Variants in KSR2 observed in about 807,000 individuals in gnomAD.
KSR2 encodes the protein kinase suppressor of ras 2.
Under a neutral mutation model 107.8 loss-of-function variants are expected in KSR2, and 25 were observed. The observed-to-expected ratio is 0.23, with a 90% CI of 0.17 to 0.32. The LOEUF (loss-of-function observed/expected upper bound fraction) is 0.32, where lower values mean the gene tolerates loss of function less well. Ranked by LOEUF, KSR2 falls within the 10% of genes least tolerant of loss-of-function variation. KSR2 has a pLI of 1.00. For missense variants in KSR2, 887 were observed against 1,268.9 expected, an observed-to-expected ratio of 0.70 and a Z score of 4.57; for synonymous variants, 480 against 507.0, an observed-to-expected ratio of 0.95 and a Z score of 0.71.
chr12:117,622,569 C>T (rs916680816), intron 5 of KSR2, among the ~76,000 whole-genome samples: 1 of 152,020 alleles, frequency 6.6e-6, no homozygotes, highest in Non-Finnish European at 1.5e-5. Flanking sequence ...TAACACCTTC[C>T]ACTGACTTAA....
At chr12:117,642,880 T>G (rs56352843) in intron 5 of KSR2, among the ~76,000 whole-genome samples, 6,117 of 151,992 alleles carry the variant, frequency 0.04, 278 homozygotes, top group East Asian at 0.24. Flanking sequence ...TGTTAGGGAA[T>G]GGAAGGAAGG....
chr12:117,855,055 T>C (rs1366491555), intron 3 of KSR2, among the ~76,000 whole-genome samples: 1 of 121,812 alleles, frequency 8.2e-6, no homozygotes, highest in African/African-American at 2.7e-5. Flanking sequence ...AAATTACTTC[T>C]GTTAAAAAAA....
chr12:117,840,621 C>T (rs1367151050), intron 3 of KSR2, among the ~76,000 whole-genome samples: 2 of 150,776 alleles, frequency 1.3e-5, no homozygotes, highest in African/African-American at 4.9e-5. Context: ...GACTCAAAAT[C>T]CTGACCTCCA....
chr12:117,745,232 C>T (rs1720502117), intron 4 of KSR2, among the ~76,000 whole-genome samples: 2 of 152,160 alleles, frequency 1.3e-5, no homozygotes, highest in Admixed American at 6.5e-5. Flanking sequence ...ACAAGGTATA[C>T]TCTCTTACAG....
chr12:117,504,895 T>C (rs908956573), intron 14 of KSR2, among the ~76,000 whole-genome samples: 2 of 152,184 alleles, frequency 1.3e-5, no homozygotes, highest in African/African-American at 2.4e-5. Flanking sequence ...TAGTTTTTAA[T>C]CCCACACTCC....
At chr12:117,641,927 C>T (rs1883380357) in intron 5 of KSR2, among the ~76,000 whole-genome samples, 1 of 152,212 alleles carries the variant, frequency 6.6e-6, no homozygotes, top group Admixed American at 6.5e-5. Flanking sequence ...TCTCTCTCCC[C>T]TGCTTCATCC....
intron 14 of KSR2, among the ~76,000 whole-genome samples, chr12:117,487,282 G>A (rs138110773): frequency 1.6e-3 from 242 of 152,248 alleles, no homozygotes; most frequent in African/African-American, 5.5e-3. Context: ...CCACCCATCC[G>A]TATACTAATC....
At chr12:117,671,804 C>T (rs1019632628) in intron 4 of KSR2, among the ~76,000 whole-genome samples, 1 of 152,154 alleles carries the variant, frequency 6.6e-6, no homozygotes, top group African/African-American at 2.4e-5. Flanking sequence ...CCACCTCCCC[C>T]AAACTCCCAT....
At chr12:117,594,180 G>C (rs1880501274) in intron 5 of KSR2, among the ~76,000 whole-genome samples, 1 of 152,154 alleles carries the variant, frequency 6.6e-6, no homozygotes, top group Non-Finnish European at 1.5e-5. Flanking sequence ...GAAGTTAATT[G>C]TCCACAGAAC....
chr12:117,611,362 CA>C (rs1881583281), intron 5 of KSR2, among the ~76,000 whole-genome samples: 1 of 149,220 alleles, frequency 6.7e-6, no homozygotes, highest in East Asian at 2.0e-4. Context: ...GGATCTAAGA[CA>C]GTTTCCAAAG....
rs779973325 is a variant in KSR2 at position 117,555,236 on chromosome 12, C to T, written c.1451G>A (p.Arg484Gln). 6.8e-6 allele frequency: 11 copies of T among 1,613,742 alleles called. No individual in the cohort carries two copies. Among genetic ancestry groups the T allele is most frequent in the East Asian group, 2.2e-5 (1 of 44,868 alleles). Reference protein sequence around the residue: ...SVPCDINNPLRKPPRYSDLHI... With the variant: ...SVPCDINNPLQKPPRYSDLHI... ...CAGGTCTGAATAGCGAGGTGGCTTC[C>T]GTAGAGGGTTGTTGATGTCACACGG... is the stretch of plus-strand genomic sequence containing the variant. Residue 484 changes from arginine to glutamine, a missense_variant, in exon 9 of 20, where the codon CGG becomes CAG. Transcript: ENST00000339824.
intron 1 of KSR2, among the ~76,000 whole-genome samples, chr12:117,962,937 C>T (rs1896698389): frequency 6.7e-6 from 1 of 149,662 alleles, no homozygotes; most frequent in Non-Finnish European, 1.5e-5. Context: ...ATAATCCCAG[C>T]ACTTTGGGAG....
chr12:117,706,082 C>T (rs558089031), intron 4 of KSR2, among the ~76,000 whole-genome samples: 34 of 132,888 alleles, frequency 2.6e-4, no homozygotes, highest in African/African-American at 6.4e-4. Flanking sequence ...CCTGCTCTGT[C>T]GCCCAGGCTG....
At chr12:117,677,547 G>C (rs1340069595) in intron 4 of KSR2, among the ~76,000 whole-genome samples, 1 of 152,068 alleles carries the variant, frequency 6.6e-6, no homozygotes, top group Non-Finnish European at 1.5e-5. Flanking sequence ...TAAGCCCCTC[G>C]ATCTGTGATA....
At chr12:117,760,506 C>A (rs1888963657) in intron 4 of KSR2, among the ~76,000 whole-genome samples, 1 of 152,094 alleles carries the variant, frequency 6.6e-6, no homozygotes. Context: ...TCATTAATAT[C>A]ACTTGTTCCT....
intron 3 of KSR2, among the ~76,000 whole-genome samples, chr12:117,851,055 C>G (rs531963736): frequency 6.6e-6 from 1 of 152,336 alleles, no homozygotes; most frequent in Admixed American, 6.5e-5. Flanking sequence ...AGGATCAGAA[C>G]TGGGTACACA....
At chr12:117,915,535 T>C (rs965476845) in intron 1 of KSR2, among the ~76,000 whole-genome samples, 5 of 152,208 alleles carry the variant, frequency 3.3e-5, no homozygotes, top group African/African-American at 1.2e-4. Flanking sequence ...TTTAACTGAA[T>C]ACTCATTCAG....
intron 4 of KSR2, among the ~76,000 whole-genome samples, chr12:117,700,763 G>A (rs1403024716): frequency 6.6e-6 from 1 of 152,186 alleles, no homozygotes; most frequent in Non-Finnish European, 1.5e-5. Flanking sequence ...GCAAATGTCA[G>A]TATCTCTCAG....
In KSR2 at chr12:117,789,213, G is replaced by A. The variant is rs144249442; in HGVS notation, c.473-27689C>T. On this transcript the variant is annotated intron_variant, in intron 3 of 19. Transcript: ENST00000339824. ...AATTCTGACCTTTTCTTCTCACTCC[G>A]TAAAATGGTAGGTGGATGCCTTCTG... Among the ~76,000 whole-genome samples the A allele has an allele frequency of 8.4e-3, 1,276 of 152,270 alleles. 14 individuals carry two copies. Among genetic ancestry groups the A allele is most frequent in the African/African-American group, 0.029 (1,203 of 41,552 alleles).
Sources: gnomAD v4.1 joint callset for allele counts (sites outside exome capture counted in the v4.1 genomes callset) on GRCh38, gnomAD v4.1.1 for gene constraint, MANE v1.5 for transcripts, NCBI Gene and HGNC (gene_info 2026-07-23, HGNC 2026-07-21) for gene names.